The following ROS1 variants were observed in gnomAD, a reference collection of about 807,000 sequenced individuals.
The protein encoded by ROS1 is proto-oncogene tyrosine-protein kinase ROS.
Under a neutral mutation model 273.5 loss-of-function variants are expected in ROS1, and 263 were observed. The observed-to-expected ratio is 0.96, with a 90% CI of 0.87 to 1.06. The LOEUF (loss-of-function observed/expected upper bound fraction) is 1.06, where lower values mean the gene tolerates loss of function less well. ROS1 is among the 50% of genes least tolerant of loss of function. The probability of loss-of-function intolerance (pLI) is 0.00; values close to 1 mark genes in which losing one functional copy is unlikely to be tolerated. For missense variants in ROS1, 2,833 were observed against 2,751.1 expected, an observed-to-expected ratio of 1.03 and a Z score of -0.67; for synonymous variants, 1,008 against 954.1, an observed-to-expected ratio of 1.06 and a Z score of -1.04.
chr6:117,413,367 G>C (rs1197908192), intron 4 of ROS1, among the ~76,000 whole-genome samples: 3 of 151,982 alleles, frequency 2.0e-5, no homozygotes, highest in African/African-American at 7.3e-5. Context: ...GAAGTAGCTG[G>C]GATTACAGGT....
At chr6:117,309,844 T>C (rs1469708556) in intron 41 of ROS1, among the ~76,000 whole-genome samples, 1 of 152,120 alleles carries the variant, frequency 6.6e-6, no homozygotes, top group African/African-American at 2.4e-5. Flanking sequence ...TAATAAAATA[T>C]TTGAATGAAA....
chr6:117,288,953 CAAAT>C (rs1773630270), intron 43 of ROS1, 151 bp from the exon 44 acceptor site: 2 of 687,960 alleles, frequency 2.9e-6, no homozygotes, highest in African/African-American at 1.8e-5. Context: ...AATACAAAGA[CAAAT>C]AAAACATGCT....
intron 18 of ROS1, among the ~76,000 whole-genome samples, chr6:117,376,945 T>C (rs1036907148): frequency 6.6e-6 from 1 of 152,064 alleles, no homozygotes; most frequent in Admixed American, 6.5e-5. Flanking sequence ...AAAATAAAAA[T>C]ATTGGAAAAG....
At chr6:117,300,865 A>G (rs62430805) in intron 43 of ROS1, 109 bp downstream of exon 43, 150,791 of 704,880 alleles carry the variant, frequency 0.21, 17,362 homozygotes, top group African/African-American at 0.26. Context: ...AGGTGCCAGT[A>G]TATTATTCTT....
At chr6:117,370,122 T>C (rs529820050) in intron 18 of ROS1, among the ~76,000 whole-genome samples, 28 of 152,314 alleles carry the variant, frequency 1.8e-4, no homozygotes, top group African/African-American at 6.5e-4. Flanking sequence ...TTTCAGGGTC[T>C]CCATGACTTG....
At chr6:117,387,521 A>T (rs1772681561) in intron 14 of ROS1, among the ~76,000 whole-genome samples, 2 of 152,246 alleles carry the variant, frequency 1.3e-5, no homozygotes, top group Admixed American at 6.5e-5. Flanking sequence ...AATCAATTAT[A>T]GTGTTTCCTT....
chr6:117,397,140 A>G (rs9401003), intron 7 of ROS1, 24 bp from the exon 8 acceptor site: 358,922 of 1,490,138 alleles, frequency 0.24, 46,341 homozygotes, highest in African/African-American at 0.5. Context: ...TGGTGACATA[A>G]TGAGCAGAAA....
chr6:117,362,820 C>T lies in ROS1; in HGVS notation c.3149G>A (p.Gly1050Glu). ...AACTTCATTCTTGTTGCAGCATTTTCCACTTGGTAATATAAATATTCTGGG... is the reference window on the plus strand; with the variant it reads ...AACTTCATTCTTGTTGCAGCATTTTTCACTTGGTAATATAAATATTCTGGG... ...ENPRIFILPS[G>E]KCCNKNEVVV... is the part of the protein sequence containing the mutation. The change falls in exon 22 of 44, where the codon GGA (glycine) becomes GAA (glutamate). Residue 1050 changes from glycine (G) to glutamate (E), a missense_variant. Gly to Glu is a moderately conservative substitution (Grantham distance 98, BLOSUM62 -2). Coordinates refer to ENST00000368507, the MANE Select transcript of ROS1 (RefSeq NM_001378902.1). 6.2e-7 allele frequency: 1 copy of T among 1,613,450 alleles called. No homozygotes were observed. The highest frequency in any genetic ancestry group is 8.5e-7 in the Non-Finnish European group (1 of 1,179,640).
At chr6:117,319,453 A>C (rs1054462715) in intron 37 of ROS1, among the ~76,000 whole-genome samples, 1 of 152,192 alleles carries the variant, frequency 6.6e-6, no homozygotes, top group Non-Finnish European at 1.5e-5. Flanking sequence ...TCATTTATTT[A>C]CATATTGTCT....
chr6:117,304,557 A>G (rs1002037338), intron 42 of ROS1, among the ~76,000 whole-genome samples: 8 of 152,192 alleles, frequency 5.3e-5, no homozygotes, highest in Non-Finnish European at 8.8e-5. Context: ...AATTCCAGAA[A>G]TGAACAGTTC....
At chr6:117,292,206 G>C (rs1356689412) in intron 43 of ROS1, among the ~76,000 whole-genome samples, 1 of 152,044 alleles carries the variant, frequency 6.6e-6, no homozygotes, top group African/African-American at 2.4e-5. Context: ...TTCTGACCTT[G>C]TGATCTGCCC....
chr6:117,330,257 G>T (rs1776984205), intron 32 of ROS1, among the ~76,000 whole-genome samples: 1 of 152,100 alleles, frequency 6.6e-6, no homozygotes, highest in Non-Finnish European at 1.5e-5. Flanking sequence ...TTCCTCAGTG[G>T]GTGGGGCTTC....
chr6:117,374,405 G>A (rs1185481894), intron 18 of ROS1, among the ~76,000 whole-genome samples: 1 of 152,078 alleles, frequency 6.6e-6, no homozygotes, highest in Non-Finnish European at 1.5e-5. Context: ...AATGGTGCTG[G>A]GATAATTGGA....
In ROS1 at chr6:117,416,263, T is replaced by A. The variant is rs1775322732; in HGVS notation, c.223A>T (p.Lys75Ter). The change falls in exon 3 of 44, where the codon AAG (lysine) becomes TAG (stop). Residue 75 changes from lysine (K) to a stop codon, truncating the protein, a stop_gained. Coordinates refer to ENST00000368507, the MANE Select transcript of ROS1 (RefSeq NM_001378902.1). LOFTEE classifies it high-confidence loss of function. The stretch of plus-strand genomic sequence containing the variant: ...GAAATCTAATTAATACTTACACACT[T>A]TAAAGCACAGTTTTTCTGATCTACA... ...NSVDQKNCAL[K>*]CNDTYATVCE... 2 of 1,579,366 alleles carry A rather than the reference T, an allele frequency of 1.3e-6. No homozygotes were observed. The highest frequency in any genetic ancestry group is 1.7e-6 in the Non-Finnish European group (2 of 1,148,580).
chr6:117,315,121 A>C (rs569717416), intron 39 of ROS1, among the ~76,000 whole-genome samples: 1 of 152,300 alleles, frequency 6.6e-6, no homozygotes, highest in Non-Finnish European at 1.5e-5. Context: ...GTCAAAATAC[A>C]AGAACAAGAC....
In ROS1 at chr6:117,389,896, G is replaced by A. The variant is rs577990032; in HGVS notation, c.1290-50C>T. 3 of 1,516,494 alleles carry A rather than the reference G, an allele frequency of 2.0e-6. No individual in the cohort carries two copies. In the Admixed American group the frequency reaches 5.7e-5, roughly 29 times the overall value. 93.9% of individuals were successfully genotyped at this position (1,516,494 alleles called of 1,614,324 possible). On this transcript the variant is annotated intron_variant, in intron 12 of 43. Coordinates refer to ENST00000368507, the MANE Select transcript of ROS1 (RefSeq NM_001378902.1). ...CATGAGATTCAGTCCAAAGGTTGAT[G>A]AGTAACCTCCTCAGCTAATTGCTTC...
chr6:117,337,474 G>T, intron 31 of ROS1, 134 bp from the exon 32 acceptor site: 1 of 661,910 alleles, frequency 1.5e-6, no homozygotes. Flanking sequence ...ACTTCTTTAT[G>T]AATGATCCCA....
intron 43 of ROS1, among the ~76,000 whole-genome samples, chr6:117,297,933 C>G (rs1774380312): frequency 6.6e-6 from 1 of 152,122 alleles, no homozygotes; most frequent in African/African-American, 2.4e-5. Context: ...ATGTTTATCA[C>G]AGTACTACTC....
intron 33 of ROS1, among the ~76,000 whole-genome samples, chr6:117,326,778 C>T (rs966203235): frequency 1.3e-5 from 2 of 152,140 alleles, no homozygotes; most frequent in Admixed American, 1.3e-4. Flanking sequence ...TCTCAATTTT[C>T]AGTCTTTTAC....
Sources: gnomAD v4.1 joint callset for allele counts (sites outside exome capture counted in the v4.1 genomes callset) on GRCh38, gnomAD v4.1.1 for gene constraint, MANE v1.5 for transcripts, NCBI Gene and HGNC (gene_info 2026-07-23, HGNC 2026-07-21) for gene names.